Variants in FAM186A observed in about 807,000 individuals in gnomAD.
The protein encoded by FAM186A is family with sequence similarity 186 member A.
In FAM186A, 163 loss-of-function variants were observed where a neutral mutation model predicts 216.8. That is an observed-to-expected ratio of 0.75 (90% CI 0.66 to 0.86). FAM186A has a LOEUF of 0.86. Ranked by LOEUF, FAM186A falls within the 40% of genes least tolerant of loss-of-function variation. The pLI is 0.00. For missense variants in FAM186A, 2,184 were observed against 2,746.2 expected (o/e 0.80, Z 4.58); for synonymous variants, 805 against 1,025.3 (o/e 0.79, Z 4.10).
Position 50,350,646 on chromosome 12 carries a change from C to T in FAM186A, c.6186G>A (p.Leu2062=). The change falls in exon 4 of 8, where the codon TTG becomes TTA. Residue 2062 remains leucine, a synonymous_variant. Transcript: ENST00000327337. ...GGAATCGGGATTTCTGGTACCATTC[C>T]AAAGGTGAAATCTGTGATGTTCTGA... ...TLLRTSQISP[L]EWYQKSRFPP... is the part of the protein sequence containing the mutation. The T allele has an allele frequency of 1.3e-6, 2 of 1,551,526 alleles. No individual in the cohort carries two copies. Among genetic ancestry groups the T allele is most frequent in the South Asian group, 1.2e-5 (1 of 84,058 alleles).
At chr12:50,362,157 G>A (rs1394574593) in intron 2 of FAM186A, among the ~76,000 whole-genome samples, 4 of 151,634 alleles carry the variant, frequency 2.6e-5, no homozygotes, top group Non-Finnish European at 4.4e-5. Flanking sequence ...TATTTTAGTA[G>A]AGACGAGGTT....
At chr12:50,374,345 T>A (rs1309253442) in intron 1 of FAM186A, among the ~76,000 whole-genome samples, 1 of 151,506 alleles carries the variant, frequency 6.6e-6, no homozygotes, top group Non-Finnish European at 1.5e-5. Context: ...TAAAAATCTT[T>A]ATAGAAATTA....
At chr12:50,332,096 C>T (rs774842400) in intron 5 of FAM186A, among the ~76,000 whole-genome samples, 10 of 152,180 alleles carry the variant, frequency 6.6e-5, no homozygotes, top group Non-Finnish European at 1.0e-4. Flanking sequence ...GCACTTCTTT[C>T]TCCTCATTTC....
chr12:50,360,853 TAAC>T lies in FAM186A; in HGVS notation c.483_485del (p.Leu162del). On this transcript the variant is annotated inframe_deletion, in exon 3 of 8. Coordinates refer to ENST00000327337, the MANE Select transcript of FAM186A (RefSeq NM_001145475.3). ...TCTCAATAGCTTTTAACGTGTCCGG[TAAC>T]AACTCCATTTGTGCTATCCAGTGGT... The T allele has an allele frequency of 6.4e-7, 1 of 1,551,442 alleles. No homozygotes were observed. Among genetic ancestry groups the T allele is most frequent in the Non-Finnish European group, 8.7e-7 (1 of 1,146,862 alleles).
rs890938129 is a variant in FAM186A at position 50,351,377 on chromosome 12, G to A, written c.5455C>T (p.Pro1819Ser). ...TSAQFPAPQA[P>S]PSPGQLPISR... Reference sequence around the variant, plus strand: ...ATTGGGAGCTGCCCAGGGGAGGGAGGGGCCTGTGGTGCCGGGAACTGCGCA... The same window carrying A: ...ATTGGGAGCTGCCCAGGGGAGGGAGAGGCCTGTGGTGCCGGGAACTGCGCA... The change falls in exon 4 of 8, where the codon CCT becomes TCT. Residue 1819 changes from proline (P) to serine (S), a missense_variant. Physicochemically the swap from Pro to Ser is moderately conservative, Grantham distance 74. Transcript: ENST00000327337. The A allele has an allele frequency of 6.8e-7, 1 of 1,474,132 alleles. No individual in the cohort carries two copies. The highest frequency in any genetic ancestry group is 9.0e-7 in the Non-Finnish European group (1 of 1,114,498). The allele number at this position is 1,474,132 out of a possible 1,614,324, so 91.3% of individuals were successfully genotyped here.
chr12:50,359,061 C>G (rs1038752622), intron 3 of FAM186A, among the ~76,000 whole-genome samples: 1 of 151,700 alleles, frequency 6.6e-6, no homozygotes, highest in Admixed American at 6.6e-5. Context: ...AAAATGCAAA[C>G]TAAAACCACA....
chr12:50,363,236 G>T lies in FAM186A; in HGVS notation c.321C>A (p.Thr107=). 6.4e-7 allele frequency: 1 copy of T among 1,551,478 alleles called. No homozygotes were observed. The highest frequency in any genetic ancestry group is 8.7e-7 in the Non-Finnish European group (1 of 1,146,928). Residue 107 remains threonine (T), a synonymous_variant, in exon 2 of 8, where the codon ACC becomes ACA. Transcript: ENST00000327337. ...SLTEHKKKQR[T]NFLEKMATYA... ...AAGTAGCCATTTTCTCAAGAAAATT[G>T]GTTCTCTGTTTTTTCTTATGTTCTG...
chr12:50,330,662 G>A lies in FAM186A; in HGVS notation c.6945C>T (p.Ala2315=). 1 of 1,550,664 alleles carries A rather than the reference G, an allele frequency of 6.4e-7. No individual in the cohort carries two copies. The highest frequency in any genetic ancestry group is 8.7e-7 in the Non-Finnish European group (1 of 1,146,550). Residue 2315 remains alanine, a synonymous_variant, in exon 7 of 8, where the codon GCC becomes GCT. Transcript: ENST00000327337. ...AEKTSMHSLW[A]QLGGYPDIPR... ...GAATATCTGGGTACCCACCCAGCTGGGCCCAGAGTGAATGCATAGATGTCT... is the reference window on the plus strand; with the variant it reads ...GAATATCTGGGTACCCACCCAGCTGAGCCCAGAGTGAATGCATAGATGTCT...
intron 4 of FAM186A, among the ~76,000 whole-genome samples, chr12:50,336,219 C>G (rs1381458211): frequency 3.3e-5 from 5 of 152,036 alleles, no homozygotes; most frequent in Non-Finnish European, 5.9e-5. Flanking sequence ...CTTTCTCTCT[C>G]TCTCCCTACT....
Position 50,351,354 on chromosome 12 carries a change from T to G in FAM186A, c.5478A>C (p.Pro1826=). ...PQAPPSPGQL[P]ISRAPPTPGQ... ...CTGGAGTGGGAGGGGCCCGAGATAT[T>G]GGGAGCTGCCCAGGGGAGGGAGGGG... The change falls in exon 4 of 8, where the codon CCA becomes CCC. Residue 1826 remains proline, a synonymous_variant. Transcript: ENST00000327337. 1.3e-6 allele frequency: 2 copies of G among 1,483,566 alleles called. No individual in the cohort carries two copies. Among genetic ancestry groups the G allele is most frequent in the Non-Finnish European group, 1.8e-6 (2 of 1,119,176 alleles). The allele number at this position is 1,483,566 out of a possible 1,614,324, so 91.9% of individuals were successfully genotyped here.
intron 2 of FAM186A, among the ~76,000 whole-genome samples, chr12:50,361,972 G>T (rs1334272352): frequency 2.6e-5 from 4 of 151,236 alleles, no homozygotes; most frequent in African/African-American, 7.3e-5. Context: ...TGTTGTTGTT[G>T]TTGTTTTTGT....
In FAM186A at chr12:50,343,866, G is replaced by T. The variant is rs1375719372; in HGVS notation, c.6503+6463C>A. On this transcript the variant is annotated intron_variant, in intron 4 of 7. Transcript: ENST00000327337. ...ATTCTCCTGACCTCGTGATCTGCCTGCCTTGGCCTCCCAAAGTGCTGGGAT... is the reference window on the plus strand; with the variant it reads ...ATTCTCCTGACCTCGTGATCTGCCTTCCTTGGCCTCCCAAAGTGCTGGGAT... Among the ~76,000 whole-genome samples, 110 of 151,450 alleles carry T rather than the reference G, an allele frequency of 7.3e-4. 2 individuals carry two copies. Among genetic ancestry groups the T allele is most frequent in the Non-Finnish European group, 4.4e-5 (3 of 67,932 alleles).
intron 1 of FAM186A, among the ~76,000 whole-genome samples, chr12:50,363,650 C>T (rs572399223): frequency 7.9e-5 from 12 of 151,858 alleles, no homozygotes; most frequent in African/African-American, 2.4e-4. Context: ...TAATAAATCA[C>T]GGCATGTCTG....
intron 1 of FAM186A, among the ~76,000 whole-genome samples, chr12:50,384,773 C>T (rs756824786): frequency 7.9e-5 from 12 of 151,946 alleles, no homozygotes; most frequent in Non-Finnish European, 1.5e-4. Flanking sequence ...TCTAAACTTA[C>T]ACCATATACA....
At chr12:50,371,466 A>C (rs1394939342) in intron 1 of FAM186A, among the ~76,000 whole-genome samples, 1 of 152,128 alleles carries the variant, frequency 6.6e-6, no homozygotes, top group African/African-American at 2.4e-5. Flanking sequence ...TTCAGCCTTA[A>C]AATTGAAGGA....
At chr12:50,364,762 G>A (rs939616441) in intron 1 of FAM186A, among the ~76,000 whole-genome samples, 10 of 151,402 alleles carry the variant, frequency 6.6e-5, no homozygotes, top group Admixed American at 6.6e-4. Context: ...TTTTGGCCAG[G>A]CATGGTGGCT....
chr12:50,362,458 A>T (rs535547710), intron 2 of FAM186A, among the ~76,000 whole-genome samples: 8 of 152,210 alleles, frequency 5.3e-5, no homozygotes, highest in African/African-American at 1.9e-4. Flanking sequence ...AAATAAAGAA[A>T]GGTAGGCCAG....
intron 1 of FAM186A, chr12:50,365,939 T>G: frequency 3.9e-6 from 3 of 763,662 alleles, no homozygotes; most frequent in Non-Finnish European, 7.2e-6. Context: ...CAACTGTCCA[T>G]GTGGGCCCTC....
rs146329108 is a variant in FAM186A, at chr12:50,343,655, G to A, written c.6503+6674C>T. ...TTTCTTTGAGACGGAGTCTCGCTCC[G>A]TCACCCAGGCTGGAGTGCAGTGGTG... is the stretch of plus-strand genomic sequence containing the variant. On this transcript the variant is annotated intron_variant, in intron 4 of 7. Coordinates refer to ENST00000327337, the MANE Select transcript of FAM186A (RefSeq NM_001145475.3). Among the ~76,000 whole-genome samples, 1,169 of 151,972 alleles carry A rather than the reference G, an allele frequency of 7.7e-3. 13 individuals are homozygous for A. Among genetic ancestry groups the A allele is most frequent in the African/African-American group, 0.026 (1,075 of 41,410 alleles).
Sources: allele counts gnomAD v4.1 joint callset (sites outside exome capture counted in the v4.1 genomes callset), GRCh38; gene constraint gnomAD v4.1.1; transcripts MANE v1.5; gene names NCBI Gene and HGNC (gene_info 2026-07-23, HGNC 2026-07-21).